Variants in ANGPT1 observed in about 807,000 individuals in gnomAD.
ANGPT1 encodes angiopoietin-1.
In ANGPT1, 17 loss-of-function variants were observed where a neutral mutation model predicts 62.2. The ratio of observed to expected loss-of-function variants is 0.27; its 90% CI spans 0.19 to 0.41. ANGPT1 has a LOEUF of 0.41. Among genes scored for constraint, ANGPT1 ranks in the 10% least tolerant of loss-of-function variants. The pLI, the probability that ANGPT1 is intolerant of heterozygous loss-of-function variation, is 1.00. For synonymous variants in ANGPT1, 199 were observed against 198.9 expected (o/e 1.00, Z 0.00); for missense variants, 478 against 594.9 (o/e 0.80, Z 2.04).
At chr8:107,425,257 T>C (rs1400290299) in intron 1 of ANGPT1, among the ~76,000 whole-genome samples, 5 of 152,202 alleles carry the variant, frequency 3.3e-5, no homozygotes, top group African/African-American at 1.2e-4. Context: ...ATTTCTAGTA[T>C]GGAATTCAGG....
chr8:107,392,650 G>A (rs1479375084), intron 1 of ANGPT1, among the ~76,000 whole-genome samples: 3 of 152,080 alleles, frequency 2.0e-5, no homozygotes, highest in Admixed American at 2.0e-4. Context: ...GATATATGTG[G>A]CTTCTGAGTC....
At chr8:107,283,313 T>G (rs780120895) in intron 7 of ANGPT1, among the ~76,000 whole-genome samples, 1 of 152,150 alleles carries the variant, frequency 6.6e-6, no homozygotes, top group Non-Finnish European at 1.5e-5. Flanking sequence ...CTTTGGTTTC[T>G]TGAGCTGCCA....
chr8:107,404,004 G>T (rs1199788018), intron 1 of ANGPT1, among the ~76,000 whole-genome samples: 2 of 152,158 alleles, frequency 1.3e-5, no homozygotes, highest in East Asian at 3.9e-4. Flanking sequence ...CTTAAATAAA[G>T]GGCTGTTGCA....
At chr8:107,446,557 A>G (rs1410100525) in intron 1 of ANGPT1, among the ~76,000 whole-genome samples, 1 of 152,220 alleles carries the variant, frequency 6.6e-6, no homozygotes, top group East Asian at 1.9e-4. Context: ...TTTACTAGAT[A>G]AAGTGGTAAT....
At chr8:107,282,538 AT>A (rs1814035588) in intron 7 of ANGPT1, among the ~76,000 whole-genome samples, 1 of 126,756 alleles carries the variant, frequency 7.9e-6, no homozygotes, top group Middle Eastern at 4.0e-3. Flanking sequence ...TTATATATAT[AT>A]TACATATATG....
At chr8:107,390,955 A>C (rs1256559322) in intron 1 of ANGPT1, among the ~76,000 whole-genome samples, 1 of 152,128 alleles carries the variant, frequency 6.6e-6, no homozygotes, top group Non-Finnish European at 1.5e-5. Flanking sequence ...TCCATTATTA[A>C]ATAACTCCAT....
intron 1 of ANGPT1, among the ~76,000 whole-genome samples, chr8:107,433,753 A>G (rs1318785743): frequency 6.6e-6 from 1 of 152,278 alleles, no homozygotes; most frequent in East Asian, 1.9e-4. Flanking sequence ...GTTTCAATAG[A>G]TATCTGTGTA....
At chr8:107,459,985 G>T (rs16876325) in intron 1 of ANGPT1, among the ~76,000 whole-genome samples, 7,928 of 152,242 alleles carry the variant, frequency 0.052, 234 homozygotes, top group South Asian at 0.11. Flanking sequence ...CCAAATGATT[G>T]TTGGCAGACT....
intron 2 of ANGPT1, among the ~76,000 whole-genome samples, chr8:107,346,478 G>A (rs950171405): frequency 6.6e-6 from 1 of 152,260 alleles, no homozygotes. Flanking sequence ...GTAGATATAT[G>A]TATATACACA....
At chr8:107,424,160 TA>T (rs11400808) in intron 1 of ANGPT1, among the ~76,000 whole-genome samples, 3,455 of 149,872 alleles carry the variant, frequency 0.023, 112 homozygotes, top group African/African-American at 0.076. Context: ...CTTATTAAGT[TA>T]AAAAAAAAAA....
chr8:107,311,892 G>A (rs1814874762), intron 4 of ANGPT1, among the ~76,000 whole-genome samples: 2 of 151,936 alleles, frequency 1.3e-5, no homozygotes, highest in South Asian at 2.1e-4. Flanking sequence ...GTGAAACCCC[G>A]TCTCTACTAA....
At chr8:107,388,077 TA>T (rs1056232692) in intron 1 of ANGPT1, among the ~76,000 whole-genome samples, 3 of 152,092 alleles carry the variant, frequency 2.0e-5, no homozygotes, top group Non-Finnish European at 4.4e-5. Flanking sequence ...AAAATTTTTT[TA>T]TGAAGAAACT....
intron 1 of ANGPT1, among the ~76,000 whole-genome samples, chr8:107,389,615 G>A (rs1037567742): frequency 2.0e-5 from 3 of 152,030 alleles, no homozygotes; most frequent in African/African-American, 7.2e-5. Flanking sequence ...AACATCTTTT[G>A]TCTGTTTCAG....
chr8:107,309,219 G>A (rs6992337), intron 4 of ANGPT1, among the ~76,000 whole-genome samples: 26,514 of 152,100 alleles, frequency 0.17, 2,566 homozygotes, highest in Middle Eastern at 0.3. Flanking sequence ...TGTATTTCCA[G>A]TATTTACCGA....
rs889870714 is a variant in ANGPT1, at chr8:107,287,183, C to T, written c.1039-2335G>A. 2.0e-5 allele frequency among the ~76,000 whole-genome samples: 3 copies of T among 152,098 alleles called. No homozygotes were observed. In the South Asian group the frequency reaches 6.2e-4, roughly 31 times the overall value. On this transcript the variant is annotated intron_variant, in intron 6 of 8. Coordinates refer to ENST00000517746, the MANE Select transcript of ANGPT1 (RefSeq NM_001146.5). ...TGATGAAGTGTTAAGTTTTGGGTCA[C>T]ATATTTCCATGCTGTTGAAAGCGCT...
At chr8:107,412,423 T>C (rs1025239449) in intron 1 of ANGPT1, among the ~76,000 whole-genome samples, 1 of 151,958 alleles carries the variant, frequency 6.6e-6, no homozygotes, top group Non-Finnish European at 1.5e-5. Context: ...GGATAATGGA[T>C]TCAGGGTAGG....
chr8:107,408,188 A>T (rs1817188667), intron 1 of ANGPT1, among the ~76,000 whole-genome samples: 1 of 152,154 alleles, frequency 6.6e-6, no homozygotes, highest in South Asian at 2.1e-4. Context: ...AACAATATAA[A>T]ATGTGCTTTC....
At position 107,451,547 on chromosome 8, in the gene ANGPT1, G is replaced by T. The variant is rs191689779; in HGVS notation, c.297+45715C>A. On this transcript the variant is annotated intron_variant, in intron 1 of 8. Coordinates refer to ENST00000517746, the MANE Select transcript of ANGPT1 (RefSeq NM_001146.5). ...ATAGAATCAGATCTATATCCATATGGTGACATTTATTCACTTCACATTTTC... is the reference window on the plus strand; with the variant it reads ...ATAGAATCAGATCTATATCCATATGTTGACATTTATTCACTTCACATTTTC... Among the ~76,000 whole-genome samples the T allele has an allele frequency of 1.5e-4, 23 of 151,998 alleles. No individual in the cohort carries two copies. The East Asian group carries it at 4.1e-3, about 27-fold the overall frequency.
chr8:107,356,469 G>A (rs1279706817), intron 1 of ANGPT1, among the ~76,000 whole-genome samples: 1 of 152,124 alleles, frequency 6.6e-6, no homozygotes, highest in African/African-American at 2.4e-5. Context: ...TCCTCTCAAC[G>A]AGAGAATCTA....
Sources: gnomAD v4.1 joint callset for allele counts (sites outside exome capture counted in the v4.1 genomes callset) on GRCh38, gnomAD v4.1.1 for gene constraint, MANE v1.5 for transcripts, NCBI Gene and HGNC (gene_info 2026-07-23, HGNC 2026-07-21) for gene names.